PARD3: variants seen among roughly 807,000 people sequenced by gnomAD.
The protein encoded by PARD3 is par-3 family cell polarity regulator.
PARD3 carries 75 observed loss-of-function variants against 155.4 expected under a neutral mutation model. That is an observed-to-expected ratio of 0.48 (90% CI 0.40 to 0.58). PARD3 has a LOEUF of 0.58. Among genes scored for constraint, PARD3 ranks in the 20% least tolerant of loss-of-function variants. The pLI, the probability that PARD3 is intolerant of heterozygous loss-of-function variation, is 0.00. For missense variants in PARD3, 1,642 were observed against 1,721.7 expected, an observed-to-expected ratio of 0.95 and a Z score of 0.82; for synonymous variants, 576 against 610.5, an observed-to-expected ratio of 0.94 and a Z score of 0.83.
intron 2 of PARD3, among the ~76,000 whole-genome samples, chr10:34,688,480 C>T (rs1466170022): frequency 6.6e-6 from 1 of 152,182 alleles, no homozygotes; most frequent in Non-Finnish European, 1.5e-5. Context: ...TTCAGTTTTT[C>T]CTAATTTGGC....
intron 22 of PARD3, among the ~76,000 whole-genome samples, chr10:34,168,875 T>C (rs1011935006): frequency 1.3e-5 from 2 of 152,244 alleles, no homozygotes; most frequent in African/African-American, 4.8e-5. Context: ...ATTACTGATG[T>C]TCCTGCTTCC....
intron 18 of PARD3, among the ~76,000 whole-genome samples, chr10:34,332,303 T>C (rs7917590): frequency 0.54 from 82,765 of 151,928 alleles, 23,645 homozygotes; most frequent in African/African-American, 0.73. Context: ...CCTGACCTGA[T>C]ACTCAAAGGT....
intron 23 of PARD3, among the ~76,000 whole-genome samples, chr10:34,130,749 T>C (rs1947562765): frequency 6.6e-6 from 1 of 151,870 alleles, no homozygotes; most frequent in African/African-American, 2.4e-5. Flanking sequence ...ACATGGGGGG[T>C]GCAAAAGATT....
intron 1 of PARD3, among the ~76,000 whole-genome samples, chr10:34,708,761 T>G (rs1211581199): frequency 6.6e-6 from 1 of 152,072 alleles, no homozygotes; most frequent in Non-Finnish European, 1.5e-5. Context: ...AGGAGGAATA[T>G]CCAAATTCAA....
At chr10:34,487,010 CT>C (rs1466452040) in intron 3 of PARD3, among the ~76,000 whole-genome samples, 1 of 152,030 alleles carries the variant, frequency 6.6e-6, no homozygotes, top group East Asian at 1.9e-4. Flanking sequence ...CTCATGATAC[CT>C]TTTGTAAACC....
chr10:34,270,374 C>A (rs1236304067), intron 21 of PARD3, among the ~76,000 whole-genome samples: 1 of 152,072 alleles, frequency 6.6e-6, no homozygotes, highest in Non-Finnish European at 1.5e-5. Flanking sequence ...GACTCCTGAG[C>A]TCCAGTGATC....
chr10:34,799,511 C>T lies in PARD3; in HGVS notation c.120+15365G>A, dbSNP rs896685727. On this transcript the variant is annotated intron_variant, in intron 1 of 24. Transcript: ENST00000374788. The stretch of plus-strand genomic sequence containing the variant: ...TTACCCTCACTAGCCTGAAGCTGAT[C>T]CCAAAGGTGCACTTCTTCCCTGAAC... Among the ~76,000 whole-genome samples, 6 of 152,198 alleles carry T rather than the reference C, an allele frequency of 3.9e-5. No individual in the cohort carries two copies. In the South Asian group the frequency reaches 8.3e-4, roughly 21 times the overall value.
chr10:34,550,964 G>A (rs1278532824), intron 2 of PARD3, among the ~76,000 whole-genome samples: 15 of 152,086 alleles, frequency 9.9e-5, no homozygotes, highest in Non-Finnish European at 2.9e-5. Flanking sequence ...CTCCACTTAC[G>A]CAGGTCATTT....
At chr10:34,467,834 T>G (rs987535392) in intron 4 of PARD3, among the ~76,000 whole-genome samples, 1 of 152,184 alleles carries the variant, frequency 6.6e-6, no homozygotes, top group African/African-American at 2.4e-5. Flanking sequence ...GTCTCAGTGC[T>G]CTCCTAACGT....
chr10:34,504,274 G>A (rs2080903898), intron 3 of PARD3, among the ~76,000 whole-genome samples: 1 of 151,722 alleles, frequency 6.6e-6, no homozygotes, highest in Admixed American at 6.6e-5. Flanking sequence ...GAGCCACCAG[G>A]TACAGCTATT....
Position 34,399,417 on chromosome 10 carries a change from T to C in PARD3, c.807-4A>G, listed in dbSNP as rs1267177715. ...TTCTACGAGCTTTACCATATCACTG[T>C]GAGACAATGATGAATGAGGGAGCAT... On this transcript the variant is annotated splice_polypyrimidine_tract_variant and splice_region_variant and intron_variant, in intron 6 of 24. Coordinates refer to ENST00000374788, the MANE Select transcript of PARD3 (RefSeq NM_001184785.2). 2.5e-6 allele frequency: 4 copies of C among 1,595,658 alleles called. No individual in the cohort carries two copies. Among genetic ancestry groups the C allele is most frequent in the Non-Finnish European group, 2.6e-6 (3 of 1,163,482 alleles).
At chr10:34,339,326 C>A (rs1836543167) in intron 16 of PARD3, among the ~76,000 whole-genome samples, 1 of 151,714 alleles carries the variant, frequency 6.6e-6, no homozygotes, top group Non-Finnish European at 1.5e-5. Context: ...CACTACACTC[C>A]AGCCTGGGCA....
At chr10:34,302,432 G>A (rs1957199365) in intron 20 of PARD3, among the ~76,000 whole-genome samples, 1 of 152,098 alleles carries the variant, frequency 6.6e-6, no homozygotes, top group South Asian at 2.1e-4. Context: ...CTTCACAACT[G>A]AAAAAAGTAA....
intron 22 of PARD3, among the ~76,000 whole-genome samples, chr10:34,260,193 T>A (rs1269264161): frequency 6.6e-6 from 1 of 152,220 alleles, no homozygotes; most frequent in Non-Finnish European, 1.5e-5. Flanking sequence ...CAAAGTGGCC[T>A]CAAACTCCTG....
At chr10:34,150,558 T>G (rs1172581963) in intron 22 of PARD3, among the ~76,000 whole-genome samples, 1 of 152,206 alleles carries the variant, frequency 6.6e-6, no homozygotes, top group Non-Finnish European at 1.5e-5. Context: ...TGTTACAATG[T>G]GCTGGGTTTG....
At chr10:34,727,529 T>A (rs916024455) in intron 1 of PARD3, among the ~76,000 whole-genome samples, 1 of 151,826 alleles carries the variant, frequency 6.6e-6, no homozygotes, top group Non-Finnish European at 1.5e-5. Context: ...TTTATTTAAC[T>A]GAAGCAAGTC....
rs989732475 is a variant in PARD3, at chr10:34,736,654, ATTTAT to A, written c.121-40240_121-40236del. ...AATAGGTTACTTTATTAATTAATTA[ATTTAT>A]TTATTTATTTATTTATTTATTTATT... On this transcript the variant is annotated intron_variant, in intron 1 of 24. Transcript: ENST00000374788. Among the ~76,000 whole-genome samples the A allele has an allele frequency of 9.2e-5, 7 of 75,946 alleles. No individual in the cohort carries two copies. The East Asian group carries it at 1.6e-3, about 18-fold the overall frequency. The allele number at this position is 75,946 out of a possible 152,430, so 49.8% of individuals were successfully genotyped here.
In PARD3 at chr10:34,554,056, T is replaced by A. The variant is rs553830707; in HGVS notation, c.223-36897A>T. On this transcript the variant is annotated intron_variant, in intron 2 of 24. Coordinates refer to ENST00000374788, the MANE Select transcript of PARD3 (RefSeq NM_001184785.2). ...CAACAGTTTACATTCCATCAGCTAT[T>A]CCAGTGCCAATTAGCACCTTAAAAA... 1.4e-4 allele frequency among the ~76,000 whole-genome samples: 21 copies of A among 152,346 alleles called. No individual in the cohort carries two copies. The South Asian group carries it at 4.3e-3, about 32-fold the overall frequency.
intron 2 of PARD3, among the ~76,000 whole-genome samples, chr10:34,604,317 A>C (rs1041399794): frequency 6.6e-6 from 1 of 152,022 alleles, no homozygotes. Context: ...AGGCAGATCC[A>C]CTCTTAATAT....
Sources: allele counts gnomAD v4.1 joint callset (sites outside exome capture counted in the v4.1 genomes callset), GRCh38; gene constraint gnomAD v4.1.1; transcripts MANE v1.5; gene names NCBI Gene and HGNC (gene_info 2026-07-23, HGNC 2026-07-21).